Variants in SCN3B observed in about 807,000 individuals in gnomAD.
The protein encoded by SCN3B is sodium channel regulatory subunit beta-3.
SCN3B carries 11 observed loss-of-function variants against 25.4 expected under a neutral mutation model. The ratio of observed to expected loss-of-function variants is 0.43; its 90% CI spans 0.27 to 0.72. The LOEUF is 0.72. Ranked by LOEUF, SCN3B falls within the 30% of genes least tolerant of loss-of-function variation. The pLI is 0.18. For missense variants in SCN3B, 218 were observed against 278.3 expected (o/e 0.78, Z 1.54); for synonymous variants, 109 against 110.7 (o/e 0.99, Z 0.09).
chr11:123,641,539 T>C (rs906063038), intron 4 of SCN3B, among the ~76,000 whole-genome samples: 1 of 152,166 alleles, frequency 6.6e-6, no homozygotes, highest in Non-Finnish European at 1.5e-5. Context: ...TTTTCCTTCA[T>C]GCCCCACACT....
chr11:123,654,224 A>C lies in SCN3B; in HGVS notation c.-26+2T>G. The stretch of plus-strand genomic sequence containing the variant: ...GCTGTGGAAGGGTCCAGGTTGATTC[A>C]CCTCTCGCCTCCCCAGGATCGGTTG... On this transcript the variant is annotated splice_donor_variant, in intron 1 of 6. Transcript: ENST00000299333. LOFTEE classifies it low-confidence loss of function (5UTR_SPLICE). 1 of 231,216 alleles carries C rather than the reference A, an allele frequency of 4.3e-6. No individual in the cohort carries two copies. The highest frequency in any genetic ancestry group is 8.7e-6 in the Non-Finnish European group (1 of 114,872). 14.3% of individuals were successfully genotyped at this position (231,216 alleles called of 1,614,324 possible).
intron 5 of SCN3B, among the ~76,000 whole-genome samples, chr11:123,637,795 G>A (rs985763459): frequency 1.3e-5 from 2 of 152,114 alleles, no homozygotes; most frequent in Admixed American, 6.5e-5. Context: ...CTCCCAAAGT[G>A]CTGAGATTAC....
At chr11:123,637,892 G>C (rs1955745745) in intron 5 of SCN3B, among the ~76,000 whole-genome samples, 1 of 152,126 alleles carries the variant, frequency 6.6e-6, no homozygotes, top group African/African-American at 2.4e-5. Flanking sequence ...TAGTGGTTAA[G>C]TGTGCTGGCC....
rs1007205906 is a variant in SCN3B at position 123,633,627 on chromosome 11, T to C, written c.*172A>G. 9.3e-6 allele frequency: 2 copies of C among 214,084 alleles called. No individual in the cohort carries two copies. The highest frequency in any genetic ancestry group is 1.0e-4 in the Admixed American group (2 of 19,230). 13.3% of individuals were successfully genotyped at this position (214,084 alleles called of 1,614,324 possible). ...TCTGATGGAGTTAGGGAGTCAGAGG[T>C]GAAAGCTCAGAGGCAGGTGGATGTA... is the stretch of plus-strand genomic sequence containing the variant. On this transcript the variant is annotated 3_prime_UTR_variant, in exon 7 of 7. Coordinates refer to ENST00000299333, the MANE Select transcript of SCN3B (RefSeq NM_001040151.2).
intron 3 of SCN3B, 140 bp downstream of exon 3, chr11:123,645,447 G>T: frequency 1.1e-6 from 1 of 942,914 alleles, no homozygotes. Flanking sequence ...AAGGCTGTCA[G>T]TTATCTGCTG....
At position 123,645,427 on chromosome 11, in the gene SCN3B, GGGCTTCACTAA is replaced by G. The variant is rs573001766; in HGVS notation, c.219+149_219+159del. Reference sequence around the variant, plus strand: ...AGTGCCCTTTCTCTCACAGAAGCTGGGGCTTCACTAAGGCTGTCAGTTATCTGCTGAGGATC... The same window carrying G: ...AGTGCCCTTTCTCTCACAGAAGCTGGGGCTGTCAGTTATCTGCTGAGGATC... On this transcript the variant is annotated intron_variant, in intron 3 of 6. Transcript: ENST00000299333. Among the ~76,000 whole-genome samples, 12 of 152,224 alleles carry G rather than the reference GGGCTTCACTAA, an allele frequency of 7.9e-5. No individual in the cohort carries two copies. In the East Asian group the frequency reaches 2.3e-3, roughly 30 times the overall value.
intron 5 of SCN3B, among the ~76,000 whole-genome samples, chr11:123,635,724 G>A (rs909262749): frequency 1.3e-5 from 2 of 151,436 alleles, no homozygotes; most frequent in Non-Finnish European, 1.5e-5. Context: ...CTTCATCTCC[G>A]ATAAGACAAA....
chr11:123,648,489 G>T (rs940724264), intron 2 of SCN3B, among the ~76,000 whole-genome samples: 1 of 152,096 alleles, frequency 6.6e-6, no homozygotes, highest in African/African-American at 2.4e-5. Flanking sequence ...TTCTAAGCAC[G>T]AAGAATACAC....
intron 5 of SCN3B, among the ~76,000 whole-genome samples, chr11:123,636,824 G>T (rs2137234112): frequency 6.6e-6 from 1 of 152,032 alleles, no homozygotes. Context: ...CTCCTGAGTA[G>T]CTGGGACTAC....
At chr11:123,646,051 T>C (rs865941814) in intron 2 of SCN3B, among the ~76,000 whole-genome samples, 3 of 152,046 alleles carry the variant, frequency 2.0e-5, no homozygotes, top group Non-Finnish European at 2.9e-5. Flanking sequence ...TCTCTAAGTC[T>C]TATAGCCCAA....
chr11:123,653,193 A>G (rs1169539943), intron 2 of SCN3B, among the ~76,000 whole-genome samples: 2 of 152,162 alleles, frequency 1.3e-5, no homozygotes, highest in Non-Finnish European at 2.9e-5. Flanking sequence ...TGCATTTCAC[A>G]GTTGCCTATT....
At position 123,630,966 on chromosome 11, in the gene SCN3B, T is replaced by G. The variant is rs1317376355; in HGVS notation, c.*2833A>C. On this transcript the variant is annotated 3_prime_UTR_variant, in exon 7 of 7. Coordinates refer to ENST00000299333, the MANE Select transcript of SCN3B (RefSeq NM_001040151.2). The stretch of plus-strand genomic sequence containing the variant: ...CTACCAGCTAGGTTTCCTTATAATT[T>G]AGTAAAGCTACTTAACCTCAGAGAC... 6.6e-6 allele frequency: 1 copy of G among 152,242 alleles called. No homozygotes were observed. The highest frequency in any genetic ancestry group is 1.5e-5 in the Non-Finnish European group (1 of 68,040). 9.4% of individuals were successfully genotyped at this position (152,242 alleles called of 1,614,324 possible).
rs1754321671 is a variant in SCN3B, at chr11:123,642,537, G to A, written c.354C>T (p.Tyr118=). The change falls in exon 4 of 7, where the codon TAC becomes TAT. Residue 118 remains tyrosine, a synonymous_variant. Coordinates refer to ENST00000299333, the MANE Select transcript of SCN3B (RefSeq NM_001040151.2). This position sits in a 1 kb window ranked among gnomAD's most constrained non-coding sequence, Gnocchi z 4.3. ...CAAACTCCCGGGACACATTGCAGGT[G>A]TAGAGGCCAGAGTCGTTCAGAGTGA... The part of the protein sequence containing the change: ...LNVTLNDSGL[Y]TCNVSREFEF... 2.5e-6 allele frequency: 4 copies of A among 1,614,106 alleles called. No homozygotes were observed. Among genetic ancestry groups the A allele is most frequent in the Non-Finnish European group, 8.5e-7 (1 of 1,180,048 alleles).
At chr11:123,636,616 G>C (rs1305719744) in intron 5 of SCN3B, among the ~76,000 whole-genome samples, 1 of 151,952 alleles carries the variant, frequency 6.6e-6, no homozygotes, top group Non-Finnish European at 1.5e-5. Context: ...GGCATATTAT[G>C]CTTCTTGAAT....
Position 123,642,836 on chromosome 11 carries a change from G to T in SCN3B, c.220-165C>A, listed in dbSNP as rs945977928. Among the ~76,000 whole-genome samples, 2 of 152,060 alleles carry T rather than the reference G, an allele frequency of 1.3e-5. No individual in the cohort carries two copies. The highest frequency in any genetic ancestry group is 4.8e-5 in the African/African-American group (2 of 41,398). On this transcript the variant is annotated intron_variant, in intron 3 of 6. Coordinates refer to ENST00000299333, the MANE Select transcript of SCN3B (RefSeq NM_001040151.2). The surrounding 1 kb of genome is among the most constrained non-coding windows in gnomAD (Gnocchi z 4.3). ...CAGAATGTGGGGGTGGGATGAAGAGGCACAGAGGAGGGTAGGGAAGGGAGC... is the reference window on the plus strand; with the variant it reads ...CAGAATGTGGGGGTGGGATGAAGAGTCACAGAGGAGGGTAGGGAAGGGAGC...
At chr11:123,639,159 ACTT>A (rs1955760278) in intron 4 of SCN3B, 1 of 152,200 alleles carries the variant, frequency 6.6e-6, no homozygotes, top group Non-Finnish European at 1.5e-5. Flanking sequence ...GGCCAGAAAA[ACTT>A]CTGCTACACA....
At position 123,631,070 on chromosome 11, in the gene SCN3B, C is replaced by T. The variant is rs866148960; in HGVS notation, c.*2729G>A. On this transcript the variant is annotated 3_prime_UTR_variant, in exon 7 of 7. Coordinates refer to ENST00000299333, the MANE Select transcript of SCN3B (RefSeq NM_001040151.2). ...ATAAAATAGTTAAGTGAAAATACTTCGTAAACCATATAGTTCTAATGAAAG... is the reference window on the plus strand; with the variant it reads ...ATAAAATAGTTAAGTGAAAATACTTTGTAAACCATATAGTTCTAATGAAAG... The T allele has an allele frequency of 6.6e-6, 1 of 152,090 alleles. No homozygotes were observed. The highest frequency in any genetic ancestry group is 1.5e-5 in the Non-Finnish European group (1 of 68,022). The allele number at this position is 152,090 out of a possible 1,614,324, so 9.4% of individuals were successfully genotyped here.
In SCN3B at chr11:123,633,696, G is replaced by A. The variant is rs886047901; in HGVS notation, c.*103C>T. The A allele has an allele frequency of 4.4e-5, 12 of 275,258 alleles. No individual in the cohort carries two copies. Among genetic ancestry groups the A allele is most frequent in the Non-Finnish European group, 7.9e-5 (11 of 139,938 alleles). 17.1% of individuals were successfully genotyped at this position (275,258 alleles called of 1,614,324 possible). Reference sequence around the variant, plus strand: ...GAACAATGGATGCATGAAGGGAAGCGATGGGGCCCTTGGGGCGCCCTCCTG... The same window carrying A: ...GAACAATGGATGCATGAAGGGAAGCAATGGGGCCCTTGGGGCGCCCTCCTG... On this transcript the variant is annotated 3_prime_UTR_variant, in exon 7 of 7. Coordinates refer to ENST00000299333, the MANE Select transcript of SCN3B (RefSeq NM_001040151.2).
At chr11:123,645,881 A>C (rs1955848488) in intron 2 of SCN3B, 131 bp from the exon 3 acceptor site, 5 of 945,424 alleles carry the variant, frequency 5.3e-6, no homozygotes. Context: ...AACCTGAAAA[A>C]AGCCACGTGC....
Sources: gnomAD v4.1 joint callset for allele counts (sites outside exome capture counted in the v4.1 genomes callset) on GRCh38, gnomAD v4.1.1 for gene constraint, Gnocchi (gnomAD v3.1) non-coding constraint, MANE v1.5 for transcripts, NCBI Gene and HGNC (gene_info 2026-07-23, HGNC 2026-07-21) for gene names.